JAK1: variants seen among roughly 807,000 people sequenced by gnomAD.
JAK1 encodes the protein Janus kinase 1.
Under a neutral mutation model 136.6 loss-of-function variants are expected in JAK1, and 16 were observed. The ratio of observed to expected loss-of-function variants is 0.12; its 90% CI spans 0.08 to 0.18. JAK1 has a LOEUF of 0.18. Among genes scored for constraint, JAK1 ranks in the 10% least tolerant of loss-of-function variants. The probability of loss-of-function intolerance (pLI) is 1.00; values close to 1 mark genes in which losing one functional copy is unlikely to be tolerated. For synonymous variants in JAK1, 492 were observed against 519.5 expected (o/e 0.95, Z 0.72); for missense variants, 859 against 1,450.1 (o/e 0.59, Z 6.62).
At chr1:64,910,843 C>CAAA (rs369528546) in intron 1 of JAK1, among the ~76,000 whole-genome samples, 5,467 of 89,140 alleles carry the variant, frequency 0.061, 468 homozygotes, top group African/African-American at 0.2. Flanking sequence ...GACTCTGTCT[C>CAAA]AAAAAAAAAA....
intron 1 of JAK1, among the ~76,000 whole-genome samples, chr1:64,888,798 C>T (rs1397424988): frequency 6.6e-6 from 1 of 152,144 alleles, no homozygotes; most frequent in Non-Finnish European, 1.5e-5. Context: ...TTCGAGAAAA[C>T]AAGAACAGCA....
At chr1:64,965,748 T>C (rs1241049209) in intron 1 of JAK1, among the ~76,000 whole-genome samples, 1 of 152,086 alleles carries the variant, frequency 6.6e-6, no homozygotes, top group African/African-American at 2.4e-5. Flanking sequence ...GCCTGGTTCC[T>C]AACAGAACCT....
chr1:64,932,637 C>G (rs1645718149), intron 1 of JAK1, among the ~76,000 whole-genome samples: 1 of 152,116 alleles, frequency 6.6e-6, no homozygotes, highest in African/African-American at 2.4e-5. Context: ...TTTAGATTTA[C>G]TCAAGACCTG....
intron 1 of JAK1, among the ~76,000 whole-genome samples, chr1:64,950,471 C>T (rs147594824): frequency 6.6e-6 from 1 of 151,968 alleles, no homozygotes; most frequent in East Asian, 1.9e-4. Flanking sequence ...ATTATTATTA[C>T]AATTTAAAAA....
intron 1 of JAK1, chr1:64,941,904 C>G (rs1211992856): frequency 1.3e-5 from 2 of 152,098 alleles, no homozygotes; most frequent in Admixed American, 6.5e-5. Context: ...TACAGATCCC[C>G]AGAGAAAGCC....
intron 4 of JAK1, among the ~76,000 whole-genome samples, chr1:64,875,656 GTGAC>G (rs1657357636): frequency 1.3e-5 from 2 of 152,196 alleles, no homozygotes; most frequent in South Asian, 4.1e-4. Flanking sequence ...ATTTACGAAA[GTGAC>G]TGAGAATTTG....
At chr1:64,870,859 T>C (rs1202362532) in intron 5 of JAK1, among the ~76,000 whole-genome samples, 1 of 152,176 alleles carries the variant, frequency 6.6e-6, no homozygotes, top group Non-Finnish European at 1.5e-5. Flanking sequence ...GGAACAATGA[T>C]CTATGCCAGT....
chr1:65,019,480 G>A (rs1646918923), intron 2 of JAK1, among the ~76,000 whole-genome samples: 3 of 142,150 alleles, frequency 2.1e-5, no homozygotes, highest in Non-Finnish European at 3.1e-5. Flanking sequence ...TTTAGGAAAA[G>A]TGAATGGTTA....
At chr1:65,037,900 A>T (rs1010087313) in intron 2 of JAK1, among the ~76,000 whole-genome samples, 1 of 152,126 alleles carries the variant, frequency 6.6e-6, no homozygotes, top group Non-Finnish European at 1.5e-5. Flanking sequence ...CAAATAAATC[A>T]ATAAAGTCTC....
At position 64,993,582 on chromosome 1, in the gene JAK1, C is replaced by T. The variant is rs376240696; in HGVS notation, c.-78+50898G>A. ...CTCTTTTGTCTACAGTCCTGTAATC[C>T]TTGATGAAAATACAACTTATGCTTT... On this transcript the variant is annotated intron_variant, in intron 2 of 25. Coordinates refer to the JAK1 transcript ENST00000671954. 3 of 151,972 alleles carry T rather than the reference C, an allele frequency of 2.0e-5. 1 individual carries two copies. Among genetic ancestry groups the T allele is most frequent in the African/African-American group, 7.3e-5 (3 of 41,358 alleles). The allele number at this position is 151,972 out of a possible 1,614,324, so 9.4% of individuals were successfully genotyped here.
At chr1:64,974,890 T>A (rs1270035656) in intron 2 of JAK1, among the ~76,000 whole-genome samples, 2 of 151,974 alleles carry the variant, frequency 1.3e-5, no homozygotes, top group Non-Finnish European at 2.9e-5. Context: ...TGTTTTTGTT[T>A]GTTTGTTTTG....
At chr1:64,915,461 C>A (rs1277934723) in intron 1 of JAK1, among the ~76,000 whole-genome samples, 4 of 152,254 alleles carry the variant, frequency 2.6e-5, no homozygotes, top group African/African-American at 9.6e-5. Flanking sequence ...GAAGGAAGCA[C>A]CAGTAACTGG....
At chr1:65,042,534 TGGTGTTTCATATAG>T (rs1401796799) in intron 2 of JAK1, among the ~76,000 whole-genome samples, 2 of 152,094 alleles carry the variant, frequency 1.3e-5, no homozygotes, top group African/African-American at 4.8e-5. Context: ...GTGAAATAAC[TGGTGTTTCATATAG>T]GGCTTTAGAG....
intron 3 of JAK1, among the ~76,000 whole-genome samples, chr1:64,881,644 C>T (rs942832771): frequency 1.3e-5 from 2 of 152,132 alleles, no homozygotes; most frequent in Admixed American, 6.5e-5. Context: ...AGAAGAGACA[C>T]CACTCATTTT....
intron 2 of JAK1, among the ~76,000 whole-genome samples, chr1:65,040,808 AAC>A (rs1269003804): frequency 6.6e-6 from 1 of 152,204 alleles, no homozygotes. Flanking sequence ...CACGAAAAAA[AAC>A]ATAGTCCTGC....
intron 5 of JAK1, among the ~76,000 whole-genome samples, chr1:64,869,677 C>T (rs954220058): frequency 6.6e-6 from 1 of 152,192 alleles, no homozygotes; most frequent in African/African-American, 2.4e-5. Context: ...ATTCATTTAA[C>T]AAAACATTGA....
At chr1:64,958,901 G>A (rs1168840111) in intron 1 of JAK1, among the ~76,000 whole-genome samples, 2 of 152,180 alleles carry the variant, frequency 1.3e-5, no homozygotes, top group Admixed American at 6.5e-5. Flanking sequence ...ATGGTTCTTA[G>A]CTATTTCTAC....
intron 2 of JAK1, among the ~76,000 whole-genome samples, chr1:65,018,837 C>T (rs988378607): frequency 6.6e-6 from 1 of 151,970 alleles, no homozygotes; most frequent in Non-Finnish European, 1.5e-5. Flanking sequence ...GGTGAAACCC[C>T]GTCTCTACTA....
chr1:64,996,700 AT>A (rs1236545298), intron 2 of JAK1, among the ~76,000 whole-genome samples: 1 of 152,258 alleles, frequency 6.6e-6, no homozygotes, highest in African/African-American at 2.4e-5. Flanking sequence ...ACATTAAAAC[AT>A]TTTTTAAACT....
Sources: allele counts gnomAD v4.1 joint callset (sites outside exome capture counted in the v4.1 genomes callset), GRCh38; gene constraint gnomAD v4.1.1; transcripts MANE v1.5; gene names NCBI Gene and HGNC (gene_info 2026-07-23, HGNC 2026-07-21).